Variants in STK32A observed in about 807,000 individuals in gnomAD.
STK32A encodes serine/threonine kinase 32A.
Under a neutral mutation model 53.2 loss-of-function variants are expected in STK32A, and 41 were observed. The observed-to-expected ratio is 0.77, with a 90% CI of 0.60 to 1.00. The LOEUF (loss-of-function observed/expected upper bound fraction) is 1.00, where lower values mean the gene tolerates loss of function less well. Among genes scored for constraint, STK32A ranks in the 50% least tolerant of loss-of-function variants. The pLI is 0.00. For synonymous variants in STK32A, 166 were observed against 162.8 expected (o/e 1.02, Z -0.15); for missense variants, 458 against 485.8 (o/e 0.94, Z 0.54).
rs1158501050 is a variant in STK32A at position 147,375,085 on chromosome 5, T to C, written c.904-5T>C. 6.3e-7 allele frequency: 1 copy of C among 1,599,280 alleles called. No homozygotes were observed. The highest frequency in any genetic ancestry group is 1.8e-5 in the Admixed American group (1 of 56,874). On this transcript the variant is annotated splice_polypyrimidine_tract_variant and splice_region_variant and intron_variant, in intron 10 of 12. Coordinates refer to ENST00000397936, the MANE Select transcript of STK32A (RefSeq NM_001112724.2). ...TGAGGATTGAGCCAACTGTCTTCCT[T>C]GCAGAAAGGCAGGCTGAATTGTGAT...
intron 2 of STK32A, among the ~76,000 whole-genome samples, chr5:147,245,734 TC>T (rs1409079192): frequency 6.6e-6 from 1 of 152,250 alleles, no homozygotes; most frequent in Non-Finnish European, 1.5e-5. Context: ...AAAAAGCTGC[TC>T]TAAAGAGTTC....
intron 2 of STK32A, among the ~76,000 whole-genome samples, chr5:147,259,838 C>G (rs1039282415): frequency 1.5e-5 from 2 of 129,806 alleles, no homozygotes; most frequent in African/African-American, 5.9e-5. Flanking sequence ...TTTCTCTCTC[C>G]TCTGTCTCTC....
At chr5:147,256,498 T>G (rs1250090932) in intron 2 of STK32A, among the ~76,000 whole-genome samples, 1 of 152,178 alleles carries the variant, frequency 6.6e-6, no homozygotes, top group African/African-American at 2.4e-5. Flanking sequence ...GCTTTAAGTC[T>G]TTGTTTTTTT....
chr5:147,303,674 A>G (rs1416923165), intron 4 of STK32A, among the ~76,000 whole-genome samples: 1 of 152,200 alleles, frequency 6.6e-6, no homozygotes, highest in Non-Finnish European at 1.5e-5. Flanking sequence ...AGTCCACAAA[A>G]TGATCAAGGA....
the STK32A span, among the ~76,000 whole-genome samples, chr5:147,396,893 T>C: frequency 1.3e-5 from 2 of 149,238 alleles, no homozygotes; most frequent in South Asian, 2.1e-4. Context: ...ATAGTGTGTG[T>C]ATAGAAAGTA....
intron 2 of STK32A, among the ~76,000 whole-genome samples, chr5:147,240,954 G>A (rs1326692312): frequency 6.6e-6 from 1 of 152,172 alleles, no homozygotes; most frequent in Non-Finnish European, 1.5e-5. Flanking sequence ...TTATTTATAG[G>A]ATTTGCTCTG....
At position 147,301,016 on chromosome 5, in the gene STK32A, T is replaced by C. The variant is rs960158293; in HGVS notation, c.260+21618T>C. Among the ~76,000 whole-genome samples, 16 of 152,146 alleles carry C rather than the reference T, an allele frequency of 1.1e-4. 1 individual carries two copies. Among genetic ancestry groups the C allele is most frequent in the African/African-American group, 3.6e-4 (15 of 41,440 alleles). ...AATCAACTGATAAAAGGCAGATTCA[T>C]AGGAGAAAAAGCACACAAAATTTGT... On this transcript the variant is annotated intron_variant, in intron 4 of 12. Coordinates refer to ENST00000397936, the MANE Select transcript of STK32A (RefSeq NM_001112724.2).
At chr5:147,329,346 C>A (rs1754750888) in intron 5 of STK32A, among the ~76,000 whole-genome samples, 1 of 152,148 alleles carries the variant, frequency 6.6e-6, no homozygotes, top group African/African-American at 2.4e-5. Context: ...TTCTAGAAAT[C>A]AGTACCTTGA....
chr5:147,255,790 G>A (rs930632965), intron 2 of STK32A, among the ~76,000 whole-genome samples: 1 of 152,196 alleles, frequency 6.6e-6, no homozygotes, highest in Non-Finnish European at 1.5e-5. Flanking sequence ...GTTGGTTGTA[G>A]TAGCTGTAGT....
At chr5:147,353,527 C>T (rs774145346) in intron 7 of STK32A, among the ~76,000 whole-genome samples, 6 of 151,980 alleles carry the variant, frequency 3.9e-5, no homozygotes, top group Non-Finnish European at 4.4e-5. Flanking sequence ...TTTGGGAGAC[C>T]GAGGCAGGCG....
At chr5:147,277,910 A>G (rs1751842805) in intron 2 of STK32A, among the ~76,000 whole-genome samples, 2 of 152,076 alleles carry the variant, frequency 1.3e-5, no homozygotes, top group South Asian at 4.1e-4. Context: ...TTCTATGTTT[A>G]CTCTATTATT....
chr5:147,298,092 T>G (rs537745811), intron 4 of STK32A, among the ~76,000 whole-genome samples: 1 of 152,162 alleles, frequency 6.6e-6, no homozygotes, highest in Admixed American at 6.6e-5. Flanking sequence ...CTCTGTAGTA[T>G]CATTCTTGTT....
intron 11 of STK32A, among the ~76,000 whole-genome samples, chr5:147,381,193 GT>G (rs923484135): frequency 6.6e-6 from 1 of 152,016 alleles, no homozygotes; most frequent in African/African-American, 2.4e-5. Flanking sequence ...TGGTTGATAG[GT>G]TTTTTTCTTT....
rs1420518639 is a variant in STK32A at position 147,356,076 on chromosome 5, AG to A, written c.562+4924del. On this transcript the variant is annotated intron_variant, in intron 7 of 12. Transcript: ENST00000397936. The stretch of plus-strand genomic sequence containing the variant: ...TATTAAACTCTCAACCCCATAAAAT[AG>A]GTTTTACTATTGTTTAGATTTTACA... 2.0e-5 allele frequency among the ~76,000 whole-genome samples: 3 copies of A among 152,302 alleles called. No individual in the cohort carries two copies. The East Asian group carries it at 5.8e-4, about 29-fold the overall frequency.
At chr5:147,361,653 C>T in intron 8 of STK32A, 39 bp downstream of exon 8, 3 of 1,401,160 alleles carry the variant, frequency 2.1e-6, no homozygotes, top group Non-Finnish European at 3.0e-6. Context: ...ATTTTTCCAG[C>T]AAGTTCTATT....
chr5:147,392,924 T>C, the STK32A span: 2 of 152,330 alleles, frequency 1.3e-5, no homozygotes, highest in South Asian at 4.1e-4. Context: ...GATGACCTAT[T>C]ACGGTAAAAA....
chr5:147,255,689 G>T (rs1057374636), intron 2 of STK32A, among the ~76,000 whole-genome samples: 6 of 152,130 alleles, frequency 3.9e-5, no homozygotes. Flanking sequence ...CATGTCTAAG[G>T]CTATTTTATT....
At chr5:147,246,990 T>C (rs1415636449) in intron 2 of STK32A, among the ~76,000 whole-genome samples, 1 of 152,200 alleles carries the variant, frequency 6.6e-6, no homozygotes, top group Non-Finnish European at 1.5e-5. Flanking sequence ...TGTGAAGTAG[T>C]TGCTGATTAT....
rs141222686 is a variant in STK32A, at chr5:147,372,198, G to A, written c.778-971G>A. On this transcript the variant is annotated intron_variant, in intron 9 of 12. Transcript: ENST00000397936. ...CAAACAGATGAAGAACAGTTATAGC[G>A]GGAGGTCAAAAGTGTATATTGAGTG... is the stretch of plus-strand genomic sequence containing the variant. 1.7e-3 allele frequency among the ~76,000 whole-genome samples: 255 copies of A among 150,860 alleles called. 2 individuals are homozygous for A. The Middle Eastern group carries it at 0.018, about 10-fold the overall frequency.
Sources: allele counts gnomAD v4.1 joint callset (sites outside exome capture counted in the v4.1 genomes callset), GRCh38; gene constraint gnomAD v4.1.1; transcripts MANE v1.5; gene names NCBI Gene and HGNC (gene_info 2026-07-23, HGNC 2026-07-21).